The following RIMBP2 variants were observed in gnomAD, a reference collection of about 807,000 sequenced individuals.
RIMBP2 encodes RIMS-binding protein 2.
Under a neutral mutation model 118.6 loss-of-function variants are expected in RIMBP2, and 48 were observed. The ratio of observed to expected loss-of-function variants is 0.40; its 90% CI spans 0.32 to 0.51. The LOEUF is 0.51. RIMBP2 is among the 20% of genes least tolerant of loss of function. RIMBP2 has a pLI of 0.41. For synonymous variants in RIMBP2, 762 were observed against 742.9 expected, an observed-to-expected ratio of 1.03 and a Z score of -0.42; for missense variants, 1,551 against 1,768.3, an observed-to-expected ratio of 0.88 and a Z score of 2.20.
chr12:130,508,399 G>A lies in RIMBP2; in HGVS notation c.-126-1629C>T, dbSNP rs796325368. 2.6e-4 allele frequency among the ~76,000 whole-genome samples: 39 copies of A among 151,972 alleles called. 1 individual carries two copies. The highest frequency in any genetic ancestry group is 8.7e-4 in the African/African-American group (36 of 41,412). ...CCACCTGCTACCCTGTTGCCACTAT[G>A]CTGGGGACACCCTGGCCTCCTTCTG... On this transcript the variant is annotated intron_variant, in intron 3 of 22. Coordinates refer to ENST00000690449, the MANE Select transcript of RIMBP2 (RefSeq NM_001393629.1).
intron 1 of RIMBP2, among the ~76,000 whole-genome samples, chr12:130,699,288 T>C (rs1045501099): frequency 1.3e-5 from 2 of 152,140 alleles, no homozygotes; most frequent in Admixed American, 1.3e-4. Flanking sequence ...CGTATGTCTA[T>C]TGCGGCACTA....
chr12:130,692,420 G>T (rs932968404), intron 1 of RIMBP2, among the ~76,000 whole-genome samples: 1 of 152,024 alleles, frequency 6.6e-6, no homozygotes, highest in Non-Finnish European at 1.5e-5. Flanking sequence ...ATGATTTGAC[G>T]AGTCTTTTGT....
At chr12:130,642,627 A>C (rs897265304) in intron 1 of RIMBP2, among the ~76,000 whole-genome samples, 6 of 152,176 alleles carry the variant, frequency 3.9e-5, no homozygotes, top group African/African-American at 1.4e-4. Context: ...TAGGAATAAT[A>C]ACCTTTATTA....
intron 14 of RIMBP2, among the ~76,000 whole-genome samples, chr12:130,433,297 G>A (rs377384189): frequency 7.9e-5 from 12 of 152,258 alleles, no homozygotes; most frequent in East Asian, 5.8e-4. Context: ...ACTAAAACCC[G>A]CCCCATGTGC....
Position 130,397,414 on chromosome 12 carries a change from C to CCTTTTTCTTTTT in RIMBP2, c.4024_4035dup (p.Lys1342_Lys1345dup). ...AGTTTCTTGCCTTTGGAAAGCAGCC[C>CCTTTTTCTTTTT]CTTTTTCTTTTTCGAGGACATTTCC... is the stretch of plus-strand genomic sequence containing the variant. On this transcript the variant is annotated inframe_insertion, in exon 23 of 23. Coordinates refer to ENST00000690449, the MANE Select transcript of RIMBP2 (RefSeq NM_001393629.1). 1 of 399,036 alleles carries CCTTTTTCTTTTT rather than the reference C, an allele frequency of 2.5e-6. No individual in the cohort carries two copies. Among genetic ancestry groups the CCTTTTTCTTTTT allele is most frequent in the Non-Finnish European group, 4.4e-6 (1 of 226,116 alleles). The allele number at this position is 399,036 out of a possible 1,614,324, so 24.7% of individuals were successfully genotyped here.
At chr12:130,490,910 G>A (rs1283745124) in intron 4 of RIMBP2, among the ~76,000 whole-genome samples, 1 of 152,106 alleles carries the variant, frequency 6.6e-6, no homozygotes, top group African/African-American at 2.4e-5. Context: ...TGGGAGGGTG[G>A]GGAGCGAAGT....
chr12:130,678,684 A>G (rs535354975), intron 1 of RIMBP2, among the ~76,000 whole-genome samples: 6 of 152,204 alleles, frequency 3.9e-5, no homozygotes, highest in African/African-American at 1.4e-4. Context: ...TGCCCAGCTA[A>G]TTTTTGTATT....
intron 2 of RIMBP2, among the ~76,000 whole-genome samples, chr12:130,594,874 T>G (rs1459428929): frequency 1.3e-5 from 2 of 152,180 alleles, no homozygotes; most frequent in African/African-American, 4.8e-5. Context: ...TGGGGTGGGA[T>G]GAGAATGTCC....
At chr12:130,472,363 A>G (rs1255343586) in intron 5 of RIMBP2, 1 of 152,262 alleles carries the variant, frequency 6.6e-6, no homozygotes, top group African/African-American at 2.4e-5. Flanking sequence ...AGAAGAAAAG[A>G]CGAACCAGGC....
intron 2 of RIMBP2, among the ~76,000 whole-genome samples, chr12:130,580,047 A>AAT (rs386378268): frequency 6.5e-4 from 96 of 147,896 alleles, no homozygotes; most frequent in African/African-American, 2.2e-3. Context: ...AAAAAAAAAA[A>AAT]ATTAGCCGGG....
At chr12:130,586,062 A>T (rs1269226612) in intron 2 of RIMBP2, among the ~76,000 whole-genome samples, 2 of 152,348 alleles carry the variant, frequency 1.3e-5, no homozygotes. Flanking sequence ...GAAAGTGACC[A>T]CAGGCACTTT....
At chr12:130,454,602 C>T (rs1418915850) in intron 7 of RIMBP2, among the ~76,000 whole-genome samples, 3 of 152,286 alleles carry the variant, frequency 2.0e-5, no homozygotes, top group Non-Finnish European at 4.4e-5. Context: ...GAGGGTGCGT[C>T]TTCCAGACAG....
In RIMBP2 at chr12:130,681,855, C is replaced by T. The variant is rs796966536; in HGVS notation, c.-352+34367G>A. 6.6e-5 allele frequency among the ~76,000 whole-genome samples: 10 copies of T among 152,212 alleles called. No homozygotes were observed. In the South Asian group the frequency reaches 1.7e-3, roughly 25 times the overall value. Reference sequence around the variant, plus strand: ...GATTACAGGGGCTCACCACCATGCCCGGCTAATTTTTGTACTAAAAATGTA... The same window carrying T: ...GATTACAGGGGCTCACCACCATGCCTGGCTAATTTTTGTACTAAAAATGTA... On this transcript the variant is annotated intron_variant, in intron 1 of 22. Coordinates refer to ENST00000690449, the MANE Select transcript of RIMBP2 (RefSeq NM_001393629.1).
At chr12:130,504,519 T>G (rs2050118513) in intron 4 of RIMBP2, among the ~76,000 whole-genome samples, 1 of 151,854 alleles carries the variant, frequency 6.6e-6, no homozygotes, top group Non-Finnish European at 1.5e-5. Flanking sequence ...GCTTTGAAGG[T>G]GGAGCGCGAG....
chr12:130,402,453 C>G (rs2074711078), intron 21 of RIMBP2, among the ~76,000 whole-genome samples: 1 of 152,116 alleles, frequency 6.6e-6, no homozygotes, highest in Admixed American at 6.5e-5. Flanking sequence ...GGCCATGTTT[C>G]CTGCCTGGAG....
chr12:130,397,952 A>ATT (rs1398743479), intron 22 of RIMBP2: 3 of 154,746 alleles, frequency 1.9e-5, no homozygotes, highest in Non-Finnish European at 2.9e-5. Context: ...ATTTGAAACT[A>ATT]TTTGGTTATA....
At chr12:130,614,026 C>A (rs2060740883) in intron 2 of RIMBP2, among the ~76,000 whole-genome samples, 1 of 152,122 alleles carries the variant, frequency 6.6e-6, no homozygotes, top group Non-Finnish European at 1.5e-5. Flanking sequence ...AAAAGCCAGC[C>A]CCGTCTCTGC....
At chr12:130,633,816 G>A (rs537888720) in intron 1 of RIMBP2, 2 of 152,336 alleles carry the variant, frequency 1.3e-5, no homozygotes, top group African/African-American at 4.8e-5. Flanking sequence ...AGGCACCGGA[G>A]ATTAGTGGTC....
intron 3 of RIMBP2, among the ~76,000 whole-genome samples, chr12:130,516,186 T>TA (rs1269847468): frequency 6.6e-6 from 1 of 152,194 alleles, no homozygotes; most frequent in Non-Finnish European, 1.5e-5. Flanking sequence ...AACATACCTT[T>TA]AAAAAATGGC....
Sources: allele counts gnomAD v4.1 joint callset (sites outside exome capture counted in the v4.1 genomes callset), GRCh38; gene constraint gnomAD v4.1.1; transcripts MANE v1.5; gene names NCBI Gene and HGNC (gene_info 2026-07-23, HGNC 2026-07-21).